The following TSG101 variants were observed in gnomAD, a reference collection of about 807,000 sequenced individuals.
TSG101 encodes the protein tumor susceptibility gene 101 protein.
In TSG101, 19 loss-of-function variants were observed where a neutral mutation model predicts 48.5. The observed-to-expected ratio is 0.39, with a 90% CI of 0.27 to 0.58. The LOEUF (loss-of-function observed/expected upper bound fraction) is 0.58, where lower values mean the gene tolerates loss of function less well. TSG101 is among the 20% of genes least tolerant of loss of function. The probability of loss-of-function intolerance (pLI) is 0.55; values close to 1 mark genes in which losing one functional copy is unlikely to be tolerated. For synonymous variants in TSG101, 174 were observed against 169.4 expected, an observed-to-expected ratio of 1.03 and a Z score of -0.21; for missense variants, 365 against 484.4, an observed-to-expected ratio of 0.75 and a Z score of 2.31.
At chr11:18,505,184 A>G (rs979060047) in intron 6 of TSG101, among the ~76,000 whole-genome samples, 4 of 152,138 alleles carry the variant, frequency 2.6e-5, no homozygotes, top group African/African-American at 9.7e-5. Flanking sequence ...AACTAAGAAG[A>G]CTTAGTAGAG....
Position 18,526,861 on chromosome 11 carries a change from C to A in TSG101, c.-45G>T. 2 of 1,585,626 alleles carry A rather than the reference C, an allele frequency of 1.3e-6. No individual in the cohort carries two copies. Among genetic ancestry groups the A allele is most frequent in the East Asian group, 2.3e-5 (1 of 43,622 alleles). On this transcript the variant is annotated 5_prime_UTR_variant, in exon 1 of 10. Transcript: ENST00000251968. ...CCTTCCCCGCAGGCAGAGGGTCAGCCGCTGCTGGGCTGCCCCAGACCGTCC... is the reference window on the plus strand; with the variant it reads ...CCTTCCCCGCAGGCAGAGGGTCAGCAGCTGCTGGGCTGCCCCAGACCGTCC...
At chr11:18,502,104 G>A (rs1590279119) in intron 7 of TSG101, among the ~76,000 whole-genome samples, 1 of 152,264 alleles carries the variant, frequency 6.6e-6, no homozygotes, top group Middle Eastern at 3.4e-3. Flanking sequence ...AAAACTACTG[G>A]TCTTCAATCA....
chr11:18,525,486 C>A (rs1442540358), intron 1 of TSG101, among the ~76,000 whole-genome samples: 2 of 141,952 alleles, frequency 1.4e-5, no homozygotes, highest in Admixed American at 7.6e-5. Context: ...GCGGAGATTG[C>A]AGTGAGCCAA....
At chr11:18,506,008 G>T (rs907107437) in intron 6 of TSG101, among the ~76,000 whole-genome samples, 2 of 151,812 alleles carry the variant, frequency 1.3e-5, no homozygotes, top group Admixed American at 6.6e-5. Flanking sequence ...GTAGAGATGG[G>T]GTTTCACTCT....
At chr11:18,509,742 C>A in intron 4 of TSG101, 77 bp from the exon 5 acceptor site, 2 of 1,426,592 alleles carry the variant, frequency 1.4e-6, no homozygotes, top group Non-Finnish European at 9.3e-7. Context: ...CATTTCTCAT[C>A]GGTTTTCAAC....
intron 7 of TSG101, among the ~76,000 whole-genome samples, chr11:18,497,910 G>C (rs1214722079): frequency 1.3e-5 from 2 of 152,146 alleles, no homozygotes; most frequent in African/African-American, 4.8e-5. Context: ...TTTATGGGGT[G>C]GGGGGATGAC....
intron 7 of TSG101, among the ~76,000 whole-genome samples, chr11:18,495,025 C>T (rs1388653834): frequency 6.6e-6 from 1 of 152,162 alleles, no homozygotes; most frequent in Non-Finnish European, 1.5e-5. Flanking sequence ...GCAGCATTTT[C>T]AGGGTTTTCC....
intron 7 of TSG101, among the ~76,000 whole-genome samples, chr11:18,495,112 C>T (rs954136773): frequency 6.6e-6 from 1 of 152,172 alleles, no homozygotes; most frequent in Non-Finnish European, 1.5e-5. Context: ...CCCTTCCAAA[C>T]TTACTGTTTC....
chr11:18,505,759 G>A (rs188526667), intron 6 of TSG101, among the ~76,000 whole-genome samples: 2 of 152,296 alleles, frequency 1.3e-5, no homozygotes, highest in African/African-American at 4.8e-5. Flanking sequence ...CATGCGACAA[G>A]TTTGACCCCA....
intron 1 of TSG101, among the ~76,000 whole-genome samples, chr11:18,525,500 C>A (rs1048956968): frequency 7.0e-6 from 1 of 142,490 alleles, no homozygotes; most frequent in Non-Finnish European, 1.5e-5. Flanking sequence ...GAGCCAAGAT[C>A]GTGCCACTGC....
At chr11:18,526,638 C>G (rs1402930599) in intron 1 of TSG101, 137 bp downstream of exon 1, 7 of 1,033,352 alleles carry the variant, frequency 6.8e-6, no homozygotes, top group Non-Finnish European at 9.5e-6. Context: ...GGGCGGGGTT[C>G]TGAGGAGGTC....
intron 6 of TSG101, 92 bp downstream of exon 6, chr11:18,506,765 T>G (rs1849982227): frequency 9.9e-7 from 1 of 1,008,350 alleles, no homozygotes; most frequent in South Asian, 2.2e-5. Context: ...GCAATTAAAT[T>G]TATTTTAATG....
chr11:18,480,454 T>C lies in TSG101; in HGVS notation c.*92A>G. 1 of 921,990 alleles carries C rather than the reference T, an allele frequency of 1.1e-6. No homozygotes were observed. The highest frequency in any genetic ancestry group is 1.6e-6 in the Non-Finnish European group (1 of 611,518). 57.1% of individuals were successfully genotyped at this position (921,990 alleles called of 1,614,324 possible). On this transcript the variant is annotated 3_prime_UTR_variant, in exon 10 of 10. Transcript: ENST00000251968. Reference sequence around the variant, plus strand: ...TTCAAAATATTTTACACTTGAATGATAAACTGCAATAACTTATTCTGGGCA... The same window carrying C: ...TTCAAAATATTTTACACTTGAATGACAAACTGCAATAACTTATTCTGGGCA...
chr11:18,510,473 A>G (rs369667198), intron 4 of TSG101, among the ~76,000 whole-genome samples: 98 of 152,284 alleles, frequency 6.4e-4, no homozygotes, highest in Middle Eastern at 3.4e-3. Flanking sequence ...AAATTGCTAG[A>G]TTGTAGTACA....
Position 18,526,810 on chromosome 11 carries a change from C to T in TSG101, c.7G>A (p.Val3Met), listed in dbSNP as rs1344277615. 2.5e-6 allele frequency: 4 copies of T among 1,603,024 alleles called. No homozygotes were observed. In the East Asian group the frequency reaches 6.7e-5, roughly 27 times the overall value. Residue 3 changes from valine (V) to methionine (M), a missense_variant, in exon 1 of 10, where the codon GTG becomes ATG. Coordinates refer to ENST00000251968, the MANE Select transcript of TSG101 (RefSeq NM_006292.4). MA[V>M]SESQLKKMVS... ...ATTTTCTTGAGCTGGCTCTCCGACACCGCCATGACGGCCGCCTGGCGACTC... is the reference window on the plus strand; with the variant it reads ...ATTTTCTTGAGCTGGCTCTCCGACATCGCCATGACGGCCGCCTGGCGACTC...
At chr11:18,522,428 T>C (rs1344598964) in intron 1 of TSG101, among the ~76,000 whole-genome samples, 1 of 152,202 alleles carries the variant, frequency 6.6e-6, no homozygotes, top group Admixed American at 6.5e-5. Context: ...ATGCCCTCTC[T>C]TTTCTTCACA....
chr11:18,525,882 A>G (rs1246527443), intron 1 of TSG101, among the ~76,000 whole-genome samples: 1 of 152,238 alleles, frequency 6.6e-6, no homozygotes, highest in Non-Finnish European at 1.5e-5. Context: ...TTTTACACAT[A>G]ATAGTGTGTT....
At chr11:18,488,017 G>C (rs1386438642) in intron 7 of TSG101, among the ~76,000 whole-genome samples, 1 of 152,130 alleles carries the variant, frequency 6.6e-6, no homozygotes, top group Non-Finnish European at 1.5e-5. Context: ...ATCAGTAACA[G>C]GATTTTTCTT....
chr11:18,525,411 G>A (rs900155400), intron 1 of TSG101, among the ~76,000 whole-genome samples: 1 of 151,850 alleles, frequency 6.6e-6, no homozygotes, highest in African/African-American at 2.4e-5. Context: ...TGTGTGAAGT[G>A]GTGGGCACCT....
Sources: gnomAD v4.1 joint callset for allele counts (sites outside exome capture counted in the v4.1 genomes callset) on GRCh38, gnomAD v4.1.1 for gene constraint, MANE v1.5 for transcripts, NCBI Gene and HGNC (gene_info 2026-07-23, HGNC 2026-07-21) for gene names.